The following ARSB variants were observed in gnomAD, a reference collection of about 807,000 sequenced individuals.
ARSB encodes arylsulfatase B.
In ARSB, 41 loss-of-function variants were observed where a neutral mutation model predicts 50.9. The ratio of observed to expected loss-of-function variants is 0.81; its 90% CI spans 0.63 to 1.04. The LOEUF (loss-of-function observed/expected upper bound fraction) is 1.04, where lower values mean the gene tolerates loss of function less well. Ranked by LOEUF, ARSB falls within the 50% of genes least tolerant of loss-of-function variation. The pLI is 0.00. For synonymous variants in ARSB, 269 were observed against 284.8 expected, an observed-to-expected ratio of 0.94 and a Z score of 0.56; for missense variants, 672 against 693.3, an observed-to-expected ratio of 0.97 and a Z score of 0.35.
chr5:78,901,680 A>G (rs1484888267), intron 4 of ARSB, among the ~76,000 whole-genome samples: 1 of 152,260 alleles, frequency 6.6e-6, no homozygotes, highest in Non-Finnish European at 1.5e-5. Flanking sequence ...CTCAATAATA[A>G]AAGATAACCA....
intron 3 of ARSB, among the ~76,000 whole-genome samples, chr5:78,959,317 A>T (rs182637077): frequency 4.7e-5 from 7 of 150,202 alleles, no homozygotes; most frequent in Non-Finnish European, 1.0e-4. Context: ...TCTTTCCTTT[A>T]TAAATTACCC....
chr5:78,813,272 C>A (rs899087467), intron 6 of ARSB, among the ~76,000 whole-genome samples: 1 of 152,090 alleles, frequency 6.6e-6, no homozygotes, highest in African/African-American at 2.4e-5. Context: ...CCATGTTGGC[C>A]AGGCTAGTCT....
intron 4 of ARSB, among the ~76,000 whole-genome samples, chr5:78,931,879 G>C (rs1190574113): frequency 6.6e-6 from 1 of 151,956 alleles, no homozygotes; most frequent in African/African-American, 2.4e-5. Context: ...GTTCTCACAA[G>C]AGCTGATGGT....
At chr5:78,845,887 A>G (rs1745423341) in intron 5 of ARSB, among the ~76,000 whole-genome samples, 1 of 152,040 alleles carries the variant, frequency 6.6e-6, no homozygotes, top group Non-Finnish European at 1.5e-5. Context: ...TTAGCTTGAT[A>G]TAATCCCATT....
At chr5:78,961,121 A>G (rs1025948451) in intron 3 of ARSB, among the ~76,000 whole-genome samples, 1 of 152,144 alleles carries the variant, frequency 6.6e-6, no homozygotes, top group African/African-American at 2.4e-5. Flanking sequence ...TGGATTCTTC[A>G]TGTGGCTTTC....
chr5:78,964,647 A>T (rs1387584662), intron 2 of ARSB, 41 bp from the exon 3 acceptor site: 1 of 1,578,776 alleles, frequency 6.3e-7, no homozygotes, highest in East Asian at 2.2e-5. Flanking sequence ...ATAGCATAAA[A>T]CTTGTTAAAC....
At chr5:78,963,234 T>G (rs338462) in intron 3 of ARSB, among the ~76,000 whole-genome samples, 35,067 of 152,164 alleles carry the variant, frequency 0.23, 4,277 homozygotes, top group Admixed American at 0.3. Context: ...CACCTTCCAT[T>G]ATGACTGGAA....
Position 78,885,644 on chromosome 5 carries a change from G to C in ARSB, c.1082C>G (p.Ala361Gly). 6.2e-7 allele frequency: 1 copy of C among 1,614,060 alleles called. No individual in the cohort carries two copies. The highest frequency in any genetic ancestry group is 8.5e-7 in the Non-Finnish European group (1 of 1,180,038). Residue 361 changes from alanine (A) to glycine (G), a missense_variant, in exon 5 of 8, where the codon GCC (alanine) becomes GGC (glycine). Ala to Gly is a moderately conservative substitution (Grantham distance 60). Coordinates refer to ENST00000264914, the MANE Select transcript of ARSB (RefSeq NM_000046.5). ...SDWLPTLVKL[A>G]RGHTNGTKPL... The stretch of plus-strand genomic sequence containing the variant: ...CTTTGTGCCATTGGTGTGTCCCCTG[G>C]CCAGCTTCACGAGTGTTGGCAGCCA...
At chr5:78,911,967 AGGT>A (rs1230487084) in intron 4 of ARSB, among the ~76,000 whole-genome samples, 3 of 152,262 alleles carry the variant, frequency 2.0e-5, no homozygotes, top group African/African-American at 7.2e-5. Flanking sequence ...AATAGAAAAA[AGGT>A]GGTATTTGGG....
chr5:78,880,901 A>G (rs1016718840), intron 5 of ARSB, among the ~76,000 whole-genome samples: 1 of 152,186 alleles, frequency 6.6e-6, no homozygotes, highest in African/African-American at 2.4e-5. Flanking sequence ...TGATTTAGAC[A>G]CTGACCTCAC....
At position 78,847,991 on chromosome 5, in the gene ARSB, T is replaced by C. The variant is rs373138684; in HGVS notation, c.1143-8565A>G. ...AATTATTTGTCAGTTTTGTTAATCG[T>C]TTCAAAAACCAACTTTTAATTTCAT... On this transcript the variant is annotated intron_variant, in intron 5 of 7. Coordinates refer to ENST00000264914, the MANE Select transcript of ARSB (RefSeq NM_000046.5). Among the ~76,000 whole-genome samples, 18 of 152,024 alleles carry C rather than the reference T, an allele frequency of 1.2e-4. No individual in the cohort carries two copies. In the East Asian group the frequency reaches 1.5e-3, roughly 13 times the overall value.
At chr5:78,852,050 G>T (rs1745827243) in intron 5 of ARSB, among the ~76,000 whole-genome samples, 1 of 152,142 alleles carries the variant, frequency 6.6e-6, no homozygotes, top group African/African-American at 2.4e-5. Context: ...GGAGCATTTA[G>T]CCCATTTACA....
At chr5:78,812,901 G>A (rs1458879314) in intron 6 of ARSB, among the ~76,000 whole-genome samples, 1 of 152,160 alleles carries the variant, frequency 6.6e-6, no homozygotes, top group Non-Finnish European at 1.5e-5. Flanking sequence ...TGATATGGGA[G>A]GATTGCTGGA....
chr5:78,804,168 CA>C (rs1743487433), intron 6 of ARSB, among the ~76,000 whole-genome samples: 1 of 150,442 alleles, frequency 6.6e-6, no homozygotes, highest in Non-Finnish European at 1.5e-5. Context: ...AGAAGTCTCT[CA>C]GGATTTGCAA....
At chr5:78,825,467 G>C (rs1345950773) in intron 6 of ARSB, among the ~76,000 whole-genome samples, 1 of 152,064 alleles carries the variant, frequency 6.6e-6, no homozygotes, top group African/African-American at 2.4e-5. Context: ...ATTACAATTA[G>C]AAAAAGGGAA....
intron 6 of ARSB, among the ~76,000 whole-genome samples, chr5:78,803,658 G>C (rs986929347): frequency 6.6e-5 from 10 of 152,240 alleles, no homozygotes; most frequent in African/African-American, 2.4e-4. Flanking sequence ...GGCTTGATCA[G>C]CCATCTGCTT....
At chr5:78,802,966 T>C (rs529695336) in intron 6 of ARSB, among the ~76,000 whole-genome samples, 18 of 152,346 alleles carry the variant, frequency 1.2e-4, no homozygotes, top group African/African-American at 4.3e-4. Context: ...AATGAACCAA[T>C]GTCTCCTAAG....
chr5:78,922,344 T>A (rs1326956414), intron 4 of ARSB, among the ~76,000 whole-genome samples: 1 of 151,832 alleles, frequency 6.6e-6, no homozygotes, highest in African/African-American at 2.4e-5. Context: ...GTCTAACAAC[T>A]TGGATACCAG....
At position 78,790,340 on chromosome 5, in the gene ARSB, T is replaced by G. The variant is rs536129566; in HGVS notation, c.1214-8366A>C. ...GCCTCCCTAGGCCTCAGTTTCAGTA[T>G]TGTTGTGAGGTCTAAATGCAACGAT... is the stretch of plus-strand genomic sequence containing the variant. On this transcript the variant is annotated intron_variant, in intron 6 of 7. Transcript: ENST00000264914. Among the ~76,000 whole-genome samples the G allele has an allele frequency of 1.1e-3, 175 of 152,224 alleles. 4 individuals are homozygous for G. In the South Asian group the frequency reaches 0.035, roughly 30 times the overall value.
Sources: gnomAD v4.1 joint callset for allele counts (sites outside exome capture counted in the v4.1 genomes callset) on GRCh38, gnomAD v4.1.1 for gene constraint, MANE v1.5 for transcripts, NCBI Gene and HGNC (gene_info 2026-07-23, HGNC 2026-07-21) for gene names.